The following PCDH9 variants were observed in gnomAD, a reference collection of about 807,000 sequenced individuals.
PCDH9 encodes the protein protocadherin-9.
Under a neutral mutation model 70.6 loss-of-function variants are expected in PCDH9, and 24 were observed. The observed-to-expected ratio is 0.34, with a 90% CI of 0.25 to 0.48. PCDH9 has a LOEUF of 0.48. Ranked by LOEUF, PCDH9 falls within the 20% of genes least tolerant of loss-of-function variation. PCDH9 has a pLI of 0.99. For missense variants in PCDH9, 1,281 were observed against 1,503.6 expected (o/e 0.85, Z 2.45); for synonymous variants, 562 against 558.5 (o/e 1.01, Z -0.09).
chr13:66,732,918 T>C (rs1267223231), intron 3 of PCDH9, among the ~76,000 whole-genome samples: 1 of 152,014 alleles, frequency 6.6e-6, no homozygotes, highest in Non-Finnish European at 1.5e-5. Context: ...TACACCAGCT[T>C]GGACATATAT....
At chr13:66,371,662 A>G (rs1956656284) in intron 4 of PCDH9, among the ~76,000 whole-genome samples, 1 of 152,118 alleles carries the variant, frequency 6.6e-6, no homozygotes, top group African/African-American at 2.4e-5. Flanking sequence ...TATAACTTAA[A>G]GAACCTAACA....
At chr13:66,613,089 C>T (rs779201908) in intron 4 of PCDH9, among the ~76,000 whole-genome samples, 1 of 152,110 alleles carries the variant, frequency 6.6e-6, no homozygotes, top group Non-Finnish European at 1.5e-5. Context: ...ACCCCAGTCG[C>T]TCCTGGGCCT....
chr13:67,156,649 G>A (rs955264995), intron 2 of PCDH9, among the ~76,000 whole-genome samples: 3 of 152,120 alleles, frequency 2.0e-5, no homozygotes, highest in Admixed American at 6.5e-5. Flanking sequence ...CTATTCTTTC[G>A]GTACACAAAG....
intron 2 of PCDH9, among the ~76,000 whole-genome samples, chr13:67,100,321 C>G (rs968199645): frequency 6.6e-6 from 1 of 152,106 alleles, no homozygotes; most frequent in Non-Finnish European, 1.5e-5. Flanking sequence ...GTACTGGGGA[C>G]TGTGCAATGG....
chr13:66,811,435 C>T (rs1006722900), intron 3 of PCDH9, among the ~76,000 whole-genome samples: 14 of 152,118 alleles, frequency 9.2e-5, no homozygotes, highest in African/African-American at 1.2e-4. Flanking sequence ...AAATGTTTTA[C>T]GCATAATACT....
chr13:66,839,156 G>A (rs1287055148), intron 3 of PCDH9, among the ~76,000 whole-genome samples: 1 of 151,454 alleles, frequency 6.6e-6, no homozygotes, highest in East Asian at 1.9e-4. Flanking sequence ...AGAATATTCT[G>A]AGATATATAT....
At chr13:66,843,082 G>A (rs1023069405) in intron 3 of PCDH9, among the ~76,000 whole-genome samples, 13 of 152,186 alleles carry the variant, frequency 8.5e-5, no homozygotes, top group Middle Eastern at 3.2e-3. Context: ...GTGAACTTCA[G>A]GTAGACCCAG....
intron 4 of PCDH9, among the ~76,000 whole-genome samples, chr13:66,415,205 C>A (rs1209461215): frequency 6.6e-6 from 1 of 152,142 alleles, no homozygotes; most frequent in Non-Finnish European, 1.5e-5. Flanking sequence ...TCAGTTACCT[C>A]CAATATTTTC....
chr13:66,910,409 C>T (rs2082440849), intron 2 of PCDH9, among the ~76,000 whole-genome samples: 1 of 152,138 alleles, frequency 6.6e-6, no homozygotes, highest in Admixed American at 6.5e-5. Context: ...TTAGTTGTTG[C>T]AAGTGGGTCA....
At chr13:66,385,381 A>T (rs1236994909) in intron 4 of PCDH9, among the ~76,000 whole-genome samples, 2 of 152,264 alleles carry the variant, frequency 1.3e-5, no homozygotes, top group East Asian at 3.9e-4. Context: ...AGAAAAGGTA[A>T]AAAACTAATA....
At chr13:66,701,267 G>GTA (rs111432563) in intron 3 of PCDH9, among the ~76,000 whole-genome samples, 1,822 of 150,136 alleles carry the variant, frequency 0.012, 29 homozygotes, top group African/African-American at 0.038. Flanking sequence ...CCGTTTTTGT[G>GTA]TATATATATA....
chr13:66,764,225 A>G (rs2079674515), intron 3 of PCDH9, among the ~76,000 whole-genome samples: 1 of 151,642 alleles, frequency 6.6e-6, no homozygotes, highest in Non-Finnish European at 1.5e-5. Flanking sequence ...ATCACACACA[A>G]ACACATACAT....
intron 4 of PCDH9, among the ~76,000 whole-genome samples, chr13:66,518,376 T>C (rs1959838021): frequency 6.6e-6 from 1 of 152,054 alleles, no homozygotes; most frequent in Non-Finnish European, 1.5e-5. Flanking sequence ...CAGAGACAAA[T>C]ATCCAAACTA....
intron 2 of PCDH9, among the ~76,000 whole-genome samples, chr13:67,097,471 A>G (rs995951070): frequency 6.6e-6 from 1 of 152,172 alleles, no homozygotes; most frequent in Admixed American, 6.5e-5. Flanking sequence ...GCAATATGGC[A>G]TTCTTTTCAC....
chr13:67,192,235 GA>G (rs1397452925), intron 2 of PCDH9, among the ~76,000 whole-genome samples: 3 of 151,992 alleles, frequency 2.0e-5, no homozygotes, highest in Non-Finnish European at 4.4e-5. Context: ...TCAGTGTTAA[GA>G]TGTGAAAAAA....
intron 2 of PCDH9, among the ~76,000 whole-genome samples, chr13:67,200,225 G>C (rs1274352572): frequency 6.6e-6 from 1 of 151,968 alleles, no homozygotes; most frequent in Non-Finnish European, 1.5e-5. Flanking sequence ...TCCACAAACT[G>C]GGAGAGTTAT....
chr13:66,722,922 C>G (rs185165141), intron 3 of PCDH9, among the ~76,000 whole-genome samples: 3 of 147,196 alleles, frequency 2.0e-5, no homozygotes, highest in Admixed American at 6.9e-5. Context: ...GAGCCGAGAT[C>G]GTGCCACTGT....
chr13:67,160,546 C>CA (rs1201456171), intron 2 of PCDH9, among the ~76,000 whole-genome samples: 306 of 136,504 alleles, frequency 2.2e-3, no homozygotes, highest in East Asian at 6.0e-3. Flanking sequence ...GACTCCGTCT[C>CA]AAAAAAAAAA....
intron 3 of PCDH9, among the ~76,000 whole-genome samples, chr13:66,889,514 A>C (rs2082062423): frequency 6.6e-6 from 1 of 152,168 alleles, no homozygotes; most frequent in Admixed American, 6.5e-5. Flanking sequence ...TTGTATTTTC[A>C]ATGAAGTGAC....
Sources: gnomAD v4.1 joint callset for allele counts (sites outside exome capture counted in the v4.1 genomes callset) on GRCh38, gnomAD v4.1.1 for gene constraint, MANE v1.5 for transcripts, NCBI Gene and HGNC (gene_info 2026-07-23, HGNC 2026-07-21) for gene names.